The following TCERG1 variants were observed in gnomAD, a reference collection of about 807,000 sequenced individuals.
TCERG1 encodes the protein TATA box binding protein (TBP)-associated factor, RNA polymerase II, S, 150kD.
Under a neutral mutation model 144.7 loss-of-function variants are expected in TCERG1, and 37 were observed. That is an observed-to-expected ratio of 0.26 (90% CI 0.20 to 0.34). The LOEUF (loss-of-function observed/expected upper bound fraction) is 0.34. TCERG1 is among the 10% of genes least tolerant of loss of function. The pLI is 1.00. For missense variants in TCERG1, 1,027 were observed against 1,380.7 expected (o/e 0.74, Z 4.06); for synonymous variants, 492 against 458.2 (o/e 1.07, Z -0.94).
chr5:146,463,965 T>C (rs1763557314), intron 5 of TCERG1, among the ~76,000 whole-genome samples, 172 bp downstream of exon 5: 1 of 152,230 alleles, frequency 6.6e-6, no homozygotes, highest in African/African-American at 2.4e-5. Context: ...GTAAATGTCC[T>C]TTTTTTGTTG....
Position 146,493,024 on chromosome 5 carries a change from A to G in TCERG1, c.2268A>G (p.Ala756=), listed in dbSNP as rs753638466. 3 of 1,599,688 alleles carry G rather than the reference A, an allele frequency of 1.9e-6. No homozygotes were observed. The Admixed American group carries it at 5.1e-5, about 27-fold the overall frequency. The part of the protein sequence containing the change: ...KEDFKKMMEE[A]KFNPRATFSE... ...ATTTCAAAAAAATGATGGAAGAAGC[A>G]AAATTTAATCCAAGGTATGTGGTTT... Residue 756 remains alanine, a synonymous_variant, in exon 16 of 23, where the codon GCA becomes GCG. Coordinates refer to ENST00000679501, the MANE Select transcript of TCERG1 (RefSeq NM_001382548.1).
intron 22 of TCERG1, 136 bp downstream of exon 22, chr5:146,509,381 C>A: frequency 3.5e-6 from 2 of 563,842 alleles, no homozygotes; most frequent in Non-Finnish European, 6.1e-6. Context: ...CAACTTCTGT[C>A]CAAAGTCAAA....
chr5:146,498,695 G>A lies in TCERG1; in HGVS notation c.2433+9G>A. 1 of 1,604,376 alleles carries A rather than the reference G, an allele frequency of 6.2e-7. No homozygotes were observed. Among genetic ancestry groups the A allele is most frequent in the Non-Finnish European group, 8.5e-7 (1 of 1,176,294 alleles). On this transcript the variant is annotated intron_variant, in intron 17 of 22. Coordinates refer to ENST00000679501, the MANE Select transcript of TCERG1 (RefSeq NM_001382548.1). ...AGACCAGAGGTGAGAAGGTAAGATG[G>A]TTTTAGTTCCAGTGGTGTGATTGAT...
intron 1 of TCERG1, among the ~76,000 whole-genome samples, chr5:146,448,143 C>T (rs540741105): frequency 6.6e-6 from 1 of 152,186 alleles, no homozygotes; most frequent in Admixed American, 6.5e-5. Flanking sequence ...TCAGTTGTTA[C>T]TCGCCCATCT....
chr5:146,510,404 C>T, intron 22 of TCERG1, 37 bp from the exon 23 acceptor site: 1 of 1,447,070 alleles, frequency 6.9e-7, no homozygotes, highest in Non-Finnish European at 9.7e-7. Flanking sequence ...CTGTGAACAG[C>T]AGTCAGTAAT....
chr5:146,468,008 A>C (rs1238533167), intron 5 of TCERG1, among the ~76,000 whole-genome samples: 3 of 152,174 alleles, frequency 2.0e-5, no homozygotes, highest in African/African-American at 4.8e-5. Context: ...CATGGGTTTG[A>C]TGTCCTGTGG....
rs746866841 is a variant in TCERG1, at chr5:146,480,106, A to G, written c.1886+12A>G. Reference sequence around the variant, plus strand: ...GCAAAAAAACGGAAGTAAGTAATACATACGATTTGATTGAGGTAGATTATA... The same window carrying G: ...GCAAAAAAACGGAAGTAAGTAATACGTACGATTTGATTGAGGTAGATTATA... On this transcript the variant is annotated intron_variant, in intron 12 of 22. Transcript: ENST00000679501. The G allele has an allele frequency of 6.4e-6, 10 of 1,563,318 alleles. No individual in the cohort carries two copies. In the African/African-American group the frequency reaches 9.6e-5, roughly 15 times the overall value.
At chr5:146,468,466 GT>G in intron 6 of TCERG1, 63 bp downstream of exon 6, 1 of 1,487,100 alleles carries the variant, frequency 6.7e-7, no homozygotes, top group Non-Finnish European at 9.2e-7. Context: ...GAATGTTGTT[GT>G]TTATCCTTTT....
chr5:146,481,916 A>G (rs537722410), intron 13 of TCERG1: 9 of 152,146 alleles, frequency 5.9e-5, no homozygotes, highest in Non-Finnish European at 7.4e-5. Flanking sequence ...TCATTGATGA[A>G]CAGTTCTAAT....
intron 16 of TCERG1, among the ~76,000 whole-genome samples, chr5:146,495,494 G>A (rs982727540): frequency 5.3e-5 from 8 of 151,996 alleles, no homozygotes; most frequent in African/African-American, 1.9e-4. Context: ...TTTTATTATT[G>A]TTATGTATCT....
chr5:146,502,597 C>G (rs1439510539), intron 17 of TCERG1, among the ~76,000 whole-genome samples: 2 of 152,020 alleles, frequency 1.3e-5, no homozygotes, highest in African/African-American at 4.8e-5. Flanking sequence ...ATGTTTAATA[C>G]CTTTGGTATA....
chr5:146,510,626 G>A lies in TCERG1; in HGVS notation c.3332G>A (p.Arg1111Lys), dbSNP rs774148395. ...PPPPTASEPT[R>K]RSTK ...CCTCCCACAGCATCGGAGCCCACGA[G>A]ACGATCAACAAAATAATTCTAAATA... Residue 1111 changes from arginine (R) to lysine (K), a missense_variant, in exon 23 of 23, where the codon AGA becomes AAA. Coordinates refer to ENST00000679501, the MANE Select transcript of TCERG1 (RefSeq NM_001382548.1). The A allele has an allele frequency of 1.9e-6, 3 of 1,612,914 alleles. No homozygotes were observed. The highest frequency in any genetic ancestry group is 2.5e-6 in the Non-Finnish European group (3 of 1,179,508).
In TCERG1 at chr5:146,483,520, A is replaced by G. The variant is rs753836665; in HGVS notation, c.2074-20A>G. 6.9e-6 allele frequency: 11 copies of G among 1,601,654 alleles called. No individual in the cohort carries two copies. The highest frequency in any genetic ancestry group is 1.1e-5 in the South Asian group (1 of 89,344). ...TTTAGAGGAGACTTAATTATGAGGC[A>G]ATACGTTTTTATTTTAAAGGTGTCT... is the stretch of plus-strand genomic sequence containing the variant. On this transcript the variant is annotated intron_variant, in intron 14 of 22. Transcript: ENST00000679501.
chr5:146,510,424 T>A lies in TCERG1; in HGVS notation c.3147-17T>A, dbSNP rs755228419. On this transcript the variant is annotated splice_polypyrimidine_tract_variant and intron_variant, in intron 22 of 22. Coordinates refer to ENST00000679501, the MANE Select transcript of TCERG1 (RefSeq NM_001382548.1). ...AACAGCAGTCAGTAATTCTTGGACT[T>A]CTTTTTCTTATTTCAGATCCAAAAA... is the stretch of plus-strand genomic sequence containing the variant. 5 of 1,596,200 alleles carry A rather than the reference T, an allele frequency of 3.1e-6. No individual in the cohort carries two copies. In the South Asian group the frequency reaches 5.5e-5, roughly 18 times the overall value.
At chr5:146,487,343 G>A (rs1765936325) in intron 15 of TCERG1, among the ~76,000 whole-genome samples, 1 of 152,070 alleles carries the variant, frequency 6.6e-6, no homozygotes, top group African/African-American at 2.4e-5. Context: ...CAAGCTCATG[G>A]ATCAGAATAA....
At chr5:146,453,364 C>T (rs370472140) in intron 1 of TCERG1, among the ~76,000 whole-genome samples, 88 of 152,258 alleles carry the variant, frequency 5.8e-4, no homozygotes, top group African/African-American at 2.0e-3. Context: ...TAATATTTTA[C>T]CTCTTCTGCT....
chr5:146,459,361 T>C (rs1763146522), intron 4 of TCERG1, 24 bp downstream of exon 4: 1 of 1,605,560 alleles, frequency 6.2e-7, no homozygotes, highest in Non-Finnish European at 8.5e-7. Flanking sequence ...AGCATGTGTT[T>C]TTATATAGGG....
chr5:146,456,001 A>G (rs1762804201), intron 2 of TCERG1, among the ~76,000 whole-genome samples: 1 of 152,186 alleles, frequency 6.6e-6, no homozygotes, highest in Non-Finnish European at 1.5e-5. Flanking sequence ...TAGTCTGTAT[A>G]ATTCTGAAAC....
At chr5:146,508,142 A>G (rs1205087592) in intron 21 of TCERG1, among the ~76,000 whole-genome samples, 186 bp downstream of exon 21, 1 of 152,242 alleles carries the variant, frequency 6.6e-6, no homozygotes, top group African/African-American at 2.4e-5. Context: ...GCAAGACAGC[A>G]CAATAGAAAG....
Sources: gnomAD v4.1 joint callset for allele counts (sites outside exome capture counted in the v4.1 genomes callset) on GRCh38, gnomAD v4.1.1 for gene constraint, MANE v1.5 for transcripts, NCBI Gene and HGNC (gene_info 2026-07-23, HGNC 2026-07-21) for gene names.